PCDH15: variants seen among roughly 807,000 people sequenced by gnomAD.
PCDH15 encodes the protein protocadherin-15.
PCDH15 carries 129 observed loss-of-function variants against 178.5 expected under a neutral mutation model. That is an observed-to-expected ratio of 0.72 (90% CI 0.63 to 0.84). The LOEUF is 0.84. PCDH15 is among the 40% of genes least tolerant of loss of function. The probability of loss-of-function intolerance (pLI) is 0.00; values close to 1 mark genes in which losing one functional copy is unlikely to be tolerated. For missense variants in PCDH15, 2,230 were observed against 2,099.9 expected, an observed-to-expected ratio of 1.06 and a Z score of -1.21; for synonymous variants, 800 against 732.0, an observed-to-expected ratio of 1.09 and a Z score of -1.50.
Position 54,062,253 on chromosome 10 carries a change from C to CAAAAA in PCDH15, c.2220+4499_2220+4503dup, listed in dbSNP as rs769054605. 6.7e-4 allele frequency among the ~76,000 whole-genome samples: 51 copies of CAAAAA among 75,874 alleles called. No individual in the cohort carries two copies. In the East Asian group the frequency reaches 0.018, roughly 27 times the overall value. The allele number at this position is 75,874 out of a possible 152,430, so 49.8% of individuals were successfully genotyped here. On this transcript the variant is annotated intron_variant, in intron 18 of 37. Transcript: ENST00000644397. ...AAAAAAAAAAAAAAAAAAAAAAAAA[C>CAAAAA]AAAAAACAACTAAATGAAAACTCCC...
chr10:55,588,042 A>G (rs1842762421), intron 2 of PCDH15, among the ~76,000 whole-genome samples: 1 of 152,184 alleles, frequency 6.6e-6, no homozygotes, highest in African/African-American at 2.4e-5. Context: ...AGGTGGATTA[A>G]TCTGGGCTGA....
chr10:55,150,911 C>T (rs369723967), intron 2 of PCDH15, among the ~76,000 whole-genome samples: 3 of 152,076 alleles, frequency 2.0e-5, no homozygotes, highest in East Asian at 1.9e-4. Flanking sequence ...TTAAATGCAA[C>T]GCATGGCTGA....
intron 2 of PCDH15, among the ~76,000 whole-genome samples, chr10:54,933,880 G>A (rs552373550): frequency 4.6e-5 from 7 of 152,190 alleles, no homozygotes; most frequent in Non-Finnish European, 8.8e-5. Flanking sequence ...AATTGCTTTA[G>A]CACTTGTTCC....
intron 37 of PCDH15, chr10:53,809,354 C>T (rs1490639690): frequency 1.2e-6 from 2 of 1,613,964 alleles, no homozygotes; most frequent in Admixed American, 1.7e-5. Flanking sequence ...TCTTCACCCT[C>T]AAGGTCAACG....
intron 2 of PCDH15, among the ~76,000 whole-genome samples, chr10:54,653,962 CT>C (rs1419313603): frequency 6.6e-6 from 1 of 152,152 alleles, no homozygotes; most frequent in Non-Finnish European, 1.5e-5. Context: ...AATTTATCAC[CT>C]CATAAACTTG....
At position 54,793,546 on chromosome 10, in the gene PCDH15, TA is replaced by T. The variant is rs1322112924; in HGVS notation, c.-29+7378del. Among the ~76,000 whole-genome samples, 6 of 151,482 alleles carry T rather than the reference TA, an allele frequency of 4.0e-5. No individual in the cohort carries two copies. The South Asian group carries it at 6.3e-4, about 16-fold the overall frequency. On this transcript the variant is annotated intron_variant, in intron 1 of 37. Transcript: ENST00000644397. ...ATTTAAAGATACAGGTTCAGCAAAGTAAGCTGAAAAAGGCATGAATTAATGA... is the reference window on the plus strand; with the variant it reads ...ATTTAAAGATACAGGTTCAGCAAAGTAGCTGAAAAAGGCATGAATTAATGA...
intron 26 of PCDH15, among the ~76,000 whole-genome samples, chr10:53,890,650 G>C (rs1211380311): frequency 6.6e-6 from 1 of 152,030 alleles, no homozygotes; most frequent in East Asian, 1.9e-4. Flanking sequence ...ATAAAAACTA[G>C]TGTAGCTACC....
intron 1 of PCDH15, among the ~76,000 whole-genome samples, chr10:55,234,687 T>C (rs2799039): frequency 0.44 from 67,508 of 151,740 alleles, 15,112 homozygotes; most frequent in South Asian, 0.48. Context: ...AGCCAAGATT[T>C]GTTATTTCTA....
intron 2 of PCDH15, among the ~76,000 whole-genome samples, chr10:55,583,920 C>A (rs1372728503): frequency 6.6e-6 from 1 of 152,022 alleles, no homozygotes; most frequent in Non-Finnish European, 1.5e-5. Context: ...CTTTGTCACC[C>A]AGGCTGGATT....
chr10:54,220,079 T>G (rs1220274193), intron 9 of PCDH15, among the ~76,000 whole-genome samples: 1 of 152,196 alleles, frequency 6.6e-6, no homozygotes, highest in Admixed American at 6.5e-5. Context: ...TTTGGTTTGC[T>G]TTTACCCTAG....
chr10:54,636,631 C>T (rs1225677437), intron 2 of PCDH15, among the ~76,000 whole-genome samples: 2 of 151,684 alleles, frequency 1.3e-5, no homozygotes, highest in African/African-American at 4.8e-5. Context: ...CTGAAATGTA[C>T]AAACAGAAAG....
At chr10:54,286,749 C>T (rs899527198) in intron 8 of PCDH15, among the ~76,000 whole-genome samples, 2 of 152,194 alleles carry the variant, frequency 1.3e-5, no homozygotes, top group African/African-American at 2.4e-5. Flanking sequence ...GCCTCAGCCT[C>T]CAGAGTAGCT....
intron 1 of PCDH15, among the ~76,000 whole-genome samples, chr10:55,238,561 T>C (rs545372592): frequency 4.6e-5 from 7 of 152,274 alleles, no homozygotes; most frequent in African/African-American, 7.2e-5. Flanking sequence ...GTTGAAACAA[T>C]TGACCTTGAA....
chr10:54,832,656 T>A (rs2133752761), intron 3 of PCDH15, among the ~76,000 whole-genome samples: 1 of 152,348 alleles, frequency 6.6e-6, no homozygotes, highest in East Asian at 1.9e-4. Context: ...ATGACTTTGG[T>A]CACCAGGGCA....
chr10:53,850,845 A>G (rs919055427), intron 28 of PCDH15, among the ~76,000 whole-genome samples: 2 of 152,166 alleles, frequency 1.3e-5, no homozygotes, highest in Non-Finnish European at 2.9e-5. Context: ...GGCATGTAAT[A>G]GACAATACAG....
chr10:54,840,114 T>C (rs2133760148), intron 3 of PCDH15, among the ~76,000 whole-genome samples: 1 of 152,068 alleles, frequency 6.6e-6, no homozygotes, highest in South Asian at 2.1e-4. Context: ...ATATGAAAGT[T>C]TCAAACTCAC....
chr10:54,836,359 C>A (rs1367876021), intron 3 of PCDH15, among the ~76,000 whole-genome samples: 1 of 152,078 alleles, frequency 6.6e-6, no homozygotes, highest in Non-Finnish European at 1.5e-5. Flanking sequence ...AAATCTCGAT[C>A]TTGTTACAAA....
intron 2 of PCDH15, among the ~76,000 whole-genome samples, chr10:55,519,441 T>C (rs1039877891): frequency 1.3e-5 from 2 of 151,902 alleles, no homozygotes; most frequent in Non-Finnish European, 2.9e-5. Context: ...GTAAGTGTGG[T>C]TATAAAAAGG....
At chr10:54,197,882 T>C (rs965490912) in intron 10 of PCDH15, among the ~76,000 whole-genome samples, 5 of 152,192 alleles carry the variant, frequency 3.3e-5, no homozygotes. Context: ...CATAGGGAGG[T>C]AATGTCATAT....
Sources: gnomAD v4.1 joint callset for allele counts (sites outside exome capture counted in the v4.1 genomes callset) on GRCh38, gnomAD v4.1.1 for gene constraint, MANE v1.5 for transcripts, NCBI Gene and HGNC (gene_info 2026-07-23, HGNC 2026-07-21) for gene names.